Variants in PPARGC1A observed in about 807,000 individuals in gnomAD.
The protein encoded by PPARGC1A is peroxisome proliferator-activated receptor gamma coactivator 1-alpha.
Under a neutral mutation model 88.7 loss-of-function variants are expected in PPARGC1A, and 25 were observed. That is an observed-to-expected ratio of 0.28 (90% CI 0.21 to 0.39). PPARGC1A has a LOEUF of 0.39. Ranked by LOEUF, PPARGC1A falls within the 10% of genes least tolerant of loss-of-function variation. The probability of loss-of-function intolerance (pLI) is 1.00; values close to 1 mark genes in which losing one functional copy is unlikely to be tolerated. For missense variants in PPARGC1A, 880 were observed against 968.7 expected (o/e 0.91, Z 1.22); for synonymous variants, 363 against 355.6 (o/e 1.02, Z -0.24).
At chr4:24,439,200 T>A in the PPARGC1A span, among the ~76,000 whole-genome samples, 1 of 152,156 alleles carries the variant, frequency 6.6e-6, no homozygotes, top group Non-Finnish European at 1.5e-5. Context: ...TCTCCTTCTT[T>A]AAGAGAAGAA....
the PPARGC1A span, among the ~76,000 whole-genome samples, chr4:24,436,838 G>T: frequency 6.8e-6 from 1 of 147,880 alleles, no homozygotes; most frequent in Admixed American, 6.7e-5. Context: ...AGCTGACATC[G>T]ATTGGCCACC....
the PPARGC1A span, among the ~76,000 whole-genome samples, chr4:24,020,553 G>T: frequency 6.6e-6 from 1 of 152,166 alleles, no homozygotes; most frequent in Non-Finnish European, 1.5e-5. Context: ...ACAGGTTTAA[G>T]CAATCTGCTA....
At chr4:23,974,818 T>A in the PPARGC1A span, among the ~76,000 whole-genome samples, 7 of 137,292 alleles carry the variant, frequency 5.1e-5, no homozygotes, top group Non-Finnish European at 9.2e-5. Flanking sequence ...TTTTTTTTTT[T>A]TTTTTTTTTG....
chr4:24,249,913 C>T, the PPARGC1A span, among the ~76,000 whole-genome samples: 10 of 152,206 alleles, frequency 6.6e-5, no homozygotes, highest in Non-Finnish European at 1.5e-5. Flanking sequence ...ATTCCTTAAA[C>T]CATAATCTAC....
the PPARGC1A span, among the ~76,000 whole-genome samples, chr4:23,967,759 T>C: frequency 6.6e-6 from 1 of 152,152 alleles, no homozygotes; most frequent in South Asian, 2.1e-4. Context: ...AATATTGTAA[T>C]GAGTAAGGCA....
At chr4:24,362,849 G>A in the PPARGC1A span, among the ~76,000 whole-genome samples, 1 of 152,200 alleles carries the variant, frequency 6.6e-6, no homozygotes, top group African/African-American at 2.4e-5. Flanking sequence ...CCTTTCATGA[G>A]ACAGGAGAGG....
At chr4:24,213,645 T>C in the PPARGC1A span, among the ~76,000 whole-genome samples, 2 of 152,126 alleles carry the variant, frequency 1.3e-5, no homozygotes, top group South Asian at 2.1e-4. Context: ...ACTTATAAAA[T>C]TGATGCTACC....
chr4:23,940,886 C>T, the PPARGC1A span, among the ~76,000 whole-genome samples: 1 of 152,058 alleles, frequency 6.6e-6, no homozygotes, highest in African/African-American at 2.4e-5. Context: ...AAAAATTTAG[C>T]TCAAAATGAA....
At chr4:23,872,108 A>G (rs1007391871) in intron 2 of PPARGC1A, among the ~76,000 whole-genome samples, 1 of 152,182 alleles carries the variant, frequency 6.6e-6, no homozygotes, top group Non-Finnish European at 1.5e-5. Flanking sequence ...TGTCTCAAAC[A>G]GGCAAAAAGC....
the PPARGC1A span, among the ~76,000 whole-genome samples, chr4:24,279,671 CT>C: frequency 2.0e-5 from 3 of 152,172 alleles, no homozygotes; most frequent in African/African-American, 7.2e-5. Flanking sequence ...CAAAGCTCCA[CT>C]GACACACGCG....
chr4:24,358,535 C>T, the PPARGC1A span, among the ~76,000 whole-genome samples: 1 of 152,182 alleles, frequency 6.6e-6, no homozygotes, highest in African/African-American at 2.4e-5. Flanking sequence ...ATTGAAATGT[C>T]CTCAGTATCA....
chr4:24,181,873 C>T, the PPARGC1A span, among the ~76,000 whole-genome samples: 8 of 152,094 alleles, frequency 5.3e-5, no homozygotes, highest in Non-Finnish European at 1.0e-4. Context: ...CAAAAGCCAT[C>T]GAGACCTTAC....
chr4:23,874,583 A>C (rs1236252198), intron 2 of PPARGC1A, among the ~76,000 whole-genome samples: 4 of 151,884 alleles, frequency 2.6e-5, no homozygotes, highest in African/African-American at 9.7e-5. Flanking sequence ...GATATGAGAG[A>C]GTGTATATGC....
At chr4:24,280,381 T>C in the PPARGC1A span, among the ~76,000 whole-genome samples, 12 of 152,202 alleles carry the variant, frequency 7.9e-5, no homozygotes, top group African/African-American at 2.9e-4. Flanking sequence ...GATCACAGTT[T>C]TTGTTCTCAG....
chr4:24,454,902 CAA>C, the PPARGC1A span, among the ~76,000 whole-genome samples: 149 of 146,146 alleles, frequency 1.0e-3, 1 homozygote, highest in East Asian at 0.019. Flanking sequence ...TAGATTGTCA[CAA>C]AAAAAAAAAC....
chr4:23,912,965 T>C, the PPARGC1A span, among the ~76,000 whole-genome samples: 2 of 149,864 alleles, frequency 1.3e-5, no homozygotes, highest in African/African-American at 2.4e-5. Flanking sequence ...ATTTCGTTTT[T>C]TTTTTTAATT....
At chr4:23,958,629 A>G in the PPARGC1A span, among the ~76,000 whole-genome samples, 1 of 152,142 alleles carries the variant, frequency 6.6e-6, no homozygotes, top group African/African-American at 2.4e-5. Context: ...ATCAATACAT[A>G]CCTATGTTTG....
At chr4:24,273,256 C>G in the PPARGC1A span, among the ~76,000 whole-genome samples, 1 of 152,196 alleles carries the variant, frequency 6.6e-6, no homozygotes, top group African/African-American at 2.4e-5. Flanking sequence ...ATTTAAAACT[C>G]TGCCCGCATC....
At chr4:24,340,707 A>G in the PPARGC1A span, among the ~76,000 whole-genome samples, 1 of 152,182 alleles carries the variant, frequency 6.6e-6, no homozygotes, top group East Asian at 1.9e-4. Context: ...CTGTATTGAA[A>G]CTGGAAACTA....
Sources: allele counts gnomAD v4.1 joint callset (sites outside exome capture counted in the v4.1 genomes callset), GRCh38; gene constraint gnomAD v4.1.1; transcripts MANE v1.5; gene names NCBI Gene and HGNC (gene_info 2026-07-23, HGNC 2026-07-21).